The following ERO1B variants were observed in gnomAD, a reference collection of about 807,000 sequenced individuals.
ERO1B encodes the protein endoplasmic reticulum oxidoreductase 1 beta, also known as ERO1-like protein beta.
A neutral mutation model predicts 75.3 loss-of-function variants in ERO1B; 49 were observed. The observed-to-expected ratio is 0.65, with a 90% CI of 0.52 to 0.83. ERO1B has a LOEUF of 0.83. Among genes scored for constraint, ERO1B ranks in the 40% least tolerant of loss-of-function variants. The probability of loss-of-function intolerance (pLI) is 0.00; values close to 1 mark genes in which losing one functional copy is unlikely to be tolerated. For synonymous variants in ERO1B, 191 were observed against 192.9 expected (o/e 0.99, Z 0.08); for missense variants, 512 against 560.1 (o/e 0.91, Z 0.87).
Position 236,224,269 on chromosome 1 carries a change from T to G in ERO1B, c.1122+801A>C, listed in dbSNP as rs116988776. Among the ~76,000 whole-genome samples the G allele has an allele frequency of 1.7e-3, 260 of 152,234 alleles. 6 individuals are homozygous for G. The South Asian group carries it at 0.038, about 22-fold the overall frequency. ...AAACATAAGAAAATGTTTCAGTTTTTGAAACTACCCGGATTTCAGAAGTAC... is the reference window on the plus strand; with the variant it reads ...AAACATAAGAAAATGTTTCAGTTTTGGAAACTACCCGGATTTCAGAAGTAC... On this transcript the variant is annotated intron_variant, in intron 13 of 15. Coordinates refer to ENST00000354619, the MANE Select transcript of ERO1B (RefSeq NM_019891.4).
intron 1 of ERO1B, among the ~76,000 whole-genome samples, chr1:236,277,296 T>C (rs915192659): frequency 6.6e-6 from 1 of 151,594 alleles, no homozygotes; most frequent in African/African-American, 2.4e-5. Context: ...CCCAGCTACT[T>C]GGGAGGCTGA....
Position 236,251,564 on chromosome 1 carries a change from G to A in ERO1B, c.348+486C>T, listed in dbSNP as rs61332668. 2.1e-3 allele frequency: 1,165 copies of A among 548,790 alleles called. 14 individuals carry two copies. The African/African-American group carries it at 0.023, about 11-fold the overall frequency. 34.0% of individuals were successfully genotyped at this position (548,790 alleles called of 1,614,324 possible). On this transcript the variant is annotated intron_variant, in intron 4 of 15. Coordinates refer to ENST00000354619, the MANE Select transcript of ERO1B (RefSeq NM_019891.4). ...ATCTTTATTATGGATGCGCAGTAGTGAAAAACAGGAAATAAACGGTTCTCT... is the reference window on the plus strand; with the variant it reads ...ATCTTTATTATGGATGCGCAGTAGTAAAAAACAGGAAATAAACGGTTCTCT...
intron 6 of ERO1B, among the ~76,000 whole-genome samples, chr1:236,239,490 A>C (rs12025742): frequency 0.16 from 24,684 of 152,036 alleles, 2,163 homozygotes; most frequent in African/African-American, 0.22. Context: ...ATCCAGAGTG[A>C]GCAACGTGTG....
chr1:236,229,723 A>T (rs1664356191), intron 10 of ERO1B, among the ~76,000 whole-genome samples: 1 of 152,218 alleles, frequency 6.6e-6, no homozygotes, highest in Non-Finnish European at 1.5e-5. Context: ...CAACACTGGA[A>T]GTACAAGAAT....
chr1:236,250,467 G>A (rs1749591), intron 4 of ERO1B, among the ~76,000 whole-genome samples: 5 of 150,708 alleles, frequency 3.3e-5, no homozygotes, highest in African/African-American at 1.2e-4. Flanking sequence ...GCAAGACTCT[G>A]TCTCAAAAAA....
At chr1:236,225,174 T>G (rs774827502) in intron 12 of ERO1B, 35 bp from the exon 13 acceptor site, 7 of 1,596,458 alleles carry the variant, frequency 4.4e-6, no homozygotes, top group East Asian at 4.5e-5. Flanking sequence ...AAGTTACACA[T>G]GAAAAATCCA....
At position 236,216,298 on chromosome 1, in the gene ERO1B, GTACTC is replaced by G. The variant is rs1663973211; in HGVS notation, c.*2213_*2217del. The stretch of plus-strand genomic sequence containing the variant: ...GCAAAGCATTTTTACAATGCAAACA[GTACTC>G]TAGTATAATATCACTTCACGACAAA... On this transcript the variant is annotated 3_prime_UTR_variant, in exon 16 of 16. Transcript: ENST00000354619. The G allele has an allele frequency of 6.6e-6, 1 of 152,024 alleles. No individual in the cohort carries two copies. The highest frequency in any genetic ancestry group is 2.1e-4 in the South Asian group (1 of 4,832). The allele number at this position is 152,024 out of a possible 1,614,324, so 9.4% of individuals were successfully genotyped here. A position where few individuals can be genotyped will look rare whatever the true frequency, so the allele number is the denominator to read the frequency against.
At chr1:236,243,099 G>A (rs376267035) in intron 6 of ERO1B, among the ~76,000 whole-genome samples, 4 of 152,190 alleles carry the variant, frequency 2.6e-5, no homozygotes, top group East Asian at 1.9e-4. Flanking sequence ...TTTTGGATTC[G>A]GATATGGGAT....
chr1:236,235,230 T>C (rs749431415), intron 8 of ERO1B, among the ~76,000 whole-genome samples: 35 of 152,218 alleles, frequency 2.3e-4, no homozygotes, highest in Non-Finnish European at 4.1e-4. Flanking sequence ...GTGTGGTACA[T>C]GAGTCGGCAC....
At chr1:236,220,675 C>A in intron 15 of ERO1B, 157 bp downstream of exon 15, 1 of 591,098 alleles carries the variant, frequency 1.7e-6, no homozygotes. Context: ...GAGAAACTGA[C>A]TTGTCAGCAT....
chr1:236,235,974 G>T, intron 7 of ERO1B, 139 bp from the exon 8 acceptor site: 1 of 751,776 alleles, frequency 1.3e-6, no homozygotes, highest in Non-Finnish European at 2.2e-6. Context: ...ACCCAGGCTG[G>T]AGTACAGTGG....
intron 2 of ERO1B, among the ~76,000 whole-genome samples, chr1:236,260,664 CAAAA>C (rs35701591): frequency 7.9e-6 from 1 of 127,224 alleles, no homozygotes; most frequent in African/African-American, 2.9e-5. Context: ...GAGTTGGTCT[CAAAA>C]AAAAAAAAAA....
At chr1:236,250,571 C>CTATA (rs1664992155) in intron 4 of ERO1B, among the ~76,000 whole-genome samples, 1 of 49,820 alleles carries the variant, frequency 2.0e-5, no homozygotes, top group South Asian at 8.1e-4. Flanking sequence ...GTAAATTTGA[C>CTATA]CATATATATA....
In ERO1B at chr1:236,226,331, A is replaced by C; in HGVS notation, c.990T>G (p.Thr330=). 1 of 1,614,094 alleles carries C rather than the reference A, an allele frequency of 6.2e-7. No individual in the cohort carries two copies. Among genetic ancestry groups the C allele is most frequent in the Non-Finnish European group, 8.5e-7 (1 of 1,179,976 alleles). Residue 330 remains threonine, a synonymous_variant, in exon 12 of 16, where the codon ACT becomes ACG. Transcript: ENST00000354619. ...YFERSIVDLY[T]GNAEEDADTK... is the part of the protein sequence containing the mutation. ...TGTCAGCATCTTCTTCTGCATTTCC[A>C]GTGTAAAGATCGACAATTGAGCGCT...
intron 9 of ERO1B, among the ~76,000 whole-genome samples, chr1:236,230,535 C>A (rs1242244721): frequency 1.3e-5 from 2 of 148,676 alleles, no homozygotes; most frequent in African/African-American, 5.0e-5. Context: ...TTGCTTGGAC[C>A]CAGGAGGCTA....
At chr1:236,227,789 G>A (rs886903560) in intron 10 of ERO1B, among the ~76,000 whole-genome samples, 2 of 152,078 alleles carry the variant, frequency 1.3e-5, no homozygotes, top group African/African-American at 2.4e-5. Flanking sequence ...TCTGAAGCAC[G>A]TGGCCTCTAA....
intron 8 of ERO1B, among the ~76,000 whole-genome samples, chr1:236,234,322 T>C (rs3768098): frequency 0.068 from 10,393 of 152,254 alleles, 739 homozygotes; most frequent in East Asian, 0.39. Context: ...AAATGAAGTG[T>C]TTCTTAGGAC....
At chr1:236,227,165 C>A (rs1450748477) in intron 10 of ERO1B, among the ~76,000 whole-genome samples, 1 of 152,142 alleles carries the variant, frequency 6.6e-6, no homozygotes, top group African/African-American at 2.4e-5. Flanking sequence ...GTTTTATTAA[C>A]CTTCTGCCCT....
intron 6 of ERO1B, among the ~76,000 whole-genome samples, chr1:236,239,781 CTCT>C (rs1664636701): frequency 1.1e-5 from 1 of 91,300 alleles, no homozygotes; most frequent in African/African-American, 3.2e-5. Context: ...TTATTTCCTC[CTCT>C]TCAAGTATAT....
Sources: allele counts gnomAD v4.1 joint callset (sites outside exome capture counted in the v4.1 genomes callset), GRCh38; gene constraint gnomAD v4.1.1; transcripts MANE v1.5; gene names NCBI Gene and HGNC (gene_info 2026-07-23, HGNC 2026-07-21).